GPD1L: variants seen among roughly 807,000 people sequenced by gnomAD.
GPD1L encodes the protein glycerol-3-phosphate dehydrogenase 1 like, also known as glycerol-3-phosphate dehydrogenase 1-like protein.
A neutral mutation model predicts 32.9 loss-of-function variants in GPD1L; 17 were observed. The ratio of observed to expected loss-of-function variants is 0.52; its 90% CI spans 0.35 to 0.78. The LOEUF (loss-of-function observed/expected upper bound fraction) is 0.78. GPD1L is among the 30% of genes least tolerant of loss of function. The pLI is 0.01. For missense variants in GPD1L, 361 were observed against 447.8 expected, an observed-to-expected ratio of 0.81 and a Z score of 1.75; for synonymous variants, 187 against 165.9, an observed-to-expected ratio of 1.13 and a Z score of -0.98.
At chr3:32,123,927 G>A (rs1329817818) in intron 1 of GPD1L, among the ~76,000 whole-genome samples, 1 of 152,132 alleles carries the variant, frequency 6.6e-6, no homozygotes, top group Non-Finnish European at 1.5e-5. Context: ...CAGTGTGGCC[G>A]CAGGTCCCCA....
intron 4 of GPD1L, among the ~76,000 whole-genome samples, chr3:32,140,998 C>T (rs893864592): frequency 6.6e-6 from 1 of 152,184 alleles, no homozygotes; most frequent in African/African-American, 2.4e-5. Flanking sequence ...TGAGAATTCT[C>T]AAGTGTCCGT....
chr3:32,129,464 A>G (rs1386624948), intron 2 of GPD1L, among the ~76,000 whole-genome samples: 1 of 151,952 alleles, frequency 6.6e-6, no homozygotes, highest in Non-Finnish European at 1.5e-5. Flanking sequence ...CCTCTCAATA[A>G]CCCTCTTAGG....
At chr3:32,127,074 G>A (rs534452902) in intron 1 of GPD1L, among the ~76,000 whole-genome samples, 5 of 152,288 alleles carry the variant, frequency 3.3e-5, no homozygotes, top group Admixed American at 2.6e-4. Flanking sequence ...TTCATCCAGG[G>A]ATGAAAATAA....
At chr3:32,121,451 T>TTC (rs1255668509) in intron 1 of GPD1L, among the ~76,000 whole-genome samples, 1 of 68,996 alleles carries the variant, frequency 1.4e-5, no homozygotes, top group African/African-American at 3.8e-5. Context: ...ATATATATAT[T>TTC]TCTCTCTATA....
At chr3:32,124,055 A>ATTTC (rs141706769) in intron 1 of GPD1L, among the ~76,000 whole-genome samples, 15 of 151,556 alleles carry the variant, frequency 9.9e-5, no homozygotes, top group African/African-American at 1.5e-4. Context: ...GGCCAGTCAC[A>ATTTC]TTTCTTTCTT....
chr3:32,125,268 G>A lies in GPD1L; in HGVS notation c.48-2808G>A, dbSNP rs113028833. Among the ~76,000 whole-genome samples the A allele has an allele frequency of 5.5e-3, 838 of 152,266 alleles. 7 individuals carry two copies. Among genetic ancestry groups the A allele is most frequent in the African/African-American group, 0.019 (779 of 41,554 alleles). On this transcript the variant is annotated intron_variant, in intron 1 of 7. Coordinates refer to ENST00000282541, the MANE Select transcript of GPD1L (RefSeq NM_015141.4). ...GTTGTGTCAAAGATGCTGTATTTAT[G>A]CATCTATCAGCTTTTGCTGCAACAC... is the stretch of plus-strand genomic sequence containing the variant.
At chr3:32,121,645 T>TTTC (rs1700419063) in intron 1 of GPD1L, among the ~76,000 whole-genome samples, 1 of 124,856 alleles carries the variant, frequency 8.0e-6, no homozygotes, top group African/African-American at 3.1e-5. Flanking sequence ...TCTATATATA[T>TTTC]AATATATATA....
chr3:32,161,911 C>G (rs1701078522), intron 7 of GPD1L, among the ~76,000 whole-genome samples: 1 of 152,182 alleles, frequency 6.6e-6, no homozygotes, highest in Admixed American at 6.5e-5. Flanking sequence ...CCACCTGCCT[C>G]CCAAAGGCAG....
intron 2 of GPD1L, among the ~76,000 whole-genome samples, chr3:32,134,005 G>C (rs1376684618): frequency 6.6e-6 from 1 of 152,186 alleles, no homozygotes; most frequent in Non-Finnish European, 1.5e-5. Flanking sequence ...TGGGTTGTTT[G>C]TCCTACTTGC....
intron 7 of GPD1L, among the ~76,000 whole-genome samples, chr3:32,164,294 A>G (rs144606938): frequency 6.6e-6 from 1 of 152,330 alleles, no homozygotes; most frequent in East Asian, 1.9e-4. Context: ...GGACAAAGAA[A>G]GGGGCTGAAG....
intron 3 of GPD1L, 31 bp from the exon 4 acceptor site, chr3:32,140,197 G>A (rs370223783): frequency 2.5e-6 from 4 of 1,613,268 alleles, no homozygotes; most frequent in African/African-American, 2.7e-5. Context: ...TTGGCGGTTT[G>A]TTCTCTCCTA....
chr3:32,114,486 A>G (rs1343610641), intron 1 of GPD1L, among the ~76,000 whole-genome samples: 2 of 152,234 alleles, frequency 1.3e-5, no homozygotes, highest in African/African-American at 4.8e-5. Flanking sequence ...AGGATACTTC[A>G]TATCCAACCA....
intron 7 of GPD1L, among the ~76,000 whole-genome samples, chr3:32,163,452 G>C (rs2094257622): frequency 6.6e-6 from 1 of 152,210 alleles, no homozygotes; most frequent in Non-Finnish European, 1.5e-5. Context: ...ACAGGCGTGA[G>C]CCAGCACACC....
intron 1 of GPD1L, among the ~76,000 whole-genome samples, chr3:32,114,223 CAG>C (rs1418700165): frequency 6.6e-6 from 1 of 152,222 alleles, no homozygotes; most frequent in Non-Finnish European, 1.5e-5. Context: ...GCCAGCGTGA[CAG>C]GGGTGACCAG....
chr3:32,126,409 C>A (rs889690513), intron 1 of GPD1L, among the ~76,000 whole-genome samples: 1 of 152,096 alleles, frequency 6.6e-6, no homozygotes, highest in African/African-American at 2.4e-5. Context: ...TTCCTGGTGT[C>A]TCATAGTCCC....
In GPD1L at chr3:32,128,132, C is replaced by T; in HGVS notation, c.104C>T (p.Ala35Val). The T allele has an allele frequency of 6.2e-7, 1 of 1,611,330 alleles. No homozygotes were observed. The highest frequency in any genetic ancestry group is 8.5e-7 in the Non-Finnish European group (1 of 1,177,448). Reference sequence around the variant, plus strand: ...AATGTCAAGAAACTTCAGAAATTTGCCTCCACAGTCAAGATGTGGGTCTTT... The same window carrying T: ...AATGTCAAGAAACTTCAGAAATTTGTCTCCACAGTCAAGATGTGGGTCTTT... ...GNNVKKLQKF[A>V]STVKMWVFEE... Residue 35 changes from alanine to valine, a missense_variant, in exon 2 of 8, where the codon GCC (alanine) becomes GTC (valine). By Grantham distance (64) the Ala-to-Val change is moderately conservative. Transcript: ENST00000282541.
At chr3:32,145,239 A>T (rs1700803158) in intron 4 of GPD1L, among the ~76,000 whole-genome samples, 1 of 151,984 alleles carries the variant, frequency 6.6e-6, no homozygotes, top group African/African-American at 2.4e-5. Context: ...GAATCGCTTG[A>T]GCTTGGGAGG....
At position 32,159,609 on chromosome 3, in the gene GPD1L, G is replaced by A; in HGVS notation, c.894G>A (p.Lys298=). ...ELEKEMLNGQ[K]LQGPQTSAEV... is the part of the protein sequence containing the mutation. Reference sequence around the variant, plus strand: ...AGAAGGAGATGCTGAATGGGCAAAAGCTCCAAGGACCGCAGACTTCTGCTG... The same window carrying A: ...AGAAGGAGATGCTGAATGGGCAAAAACTCCAAGGACCGCAGACTTCTGCTG... Residue 298 remains lysine (K), a synonymous_variant, in exon 7 of 8, where the codon AAG becomes AAA. Coordinates refer to ENST00000282541, the MANE Select transcript of GPD1L (RefSeq NM_015141.4). The A allele has an allele frequency of 6.2e-7, 1 of 1,613,034 alleles. No homozygotes were observed. The highest frequency in any genetic ancestry group is 8.5e-7 in the Non-Finnish European group (1 of 1,179,256).
intron 4 of GPD1L, among the ~76,000 whole-genome samples, chr3:32,142,547 T>C (rs1700759945): frequency 6.6e-6 from 1 of 152,250 alleles, no homozygotes; most frequent in Non-Finnish European, 1.5e-5. Context: ...TAAATTCTTT[T>C]ATTTATCTGC....
Sources: allele counts gnomAD v4.1 joint callset (sites outside exome capture counted in the v4.1 genomes callset), GRCh38; gene constraint gnomAD v4.1.1; transcripts MANE v1.5; gene names NCBI Gene and HGNC (gene_info 2026-07-23, HGNC 2026-07-21).